UNC5D: variants seen among roughly 807,000 people sequenced by gnomAD.
UNC5D encodes the protein netrin receptor UNC5D.
In UNC5D, 39 loss-of-function variants were observed where a neutral mutation model predicts 105.4. The observed-to-expected ratio is 0.37, with a 90% CI of 0.29 to 0.48. The LOEUF is 0.48. Ranked by LOEUF, UNC5D falls within the 20% of genes least tolerant of loss-of-function variation. The pLI is 0.98. For missense variants in UNC5D, 991 were observed against 1,202.4 expected (o/e 0.82, Z 2.60); for synonymous variants, 452 against 450.4 (o/e 1.00, Z -0.04).
chr8:35,757,166 A>G (rs933577519), intron 13 of UNC5D, among the ~76,000 whole-genome samples: 1 of 152,192 alleles, frequency 6.6e-6, no homozygotes, highest in African/African-American at 2.4e-5. Context: ...TTATGCTGCT[A>G]TCTTCAATTT....
intron 1 of UNC5D, among the ~76,000 whole-genome samples, chr8:35,344,215 T>C (rs1265690652): frequency 6.6e-6 from 1 of 152,082 alleles, no homozygotes; most frequent in Non-Finnish European, 1.5e-5. Context: ...CACCTGCTCA[T>C]CTGAAATTGA....
intron 1 of UNC5D, among the ~76,000 whole-genome samples, chr8:35,522,975 C>G (rs1813592944): frequency 6.6e-6 from 1 of 151,996 alleles, no homozygotes; most frequent in African/African-American, 2.4e-5. Flanking sequence ...TCTTTGATAT[C>G]TAACAATATA....
chr8:35,591,637 A>G lies in UNC5D; in HGVS notation c.467-3917A>G, dbSNP rs536898221. Among the ~76,000 whole-genome samples the G allele has an allele frequency of 1.2e-4, 19 of 152,100 alleles. 1 individual carries two copies. The highest frequency in any genetic ancestry group is 6.8e-3 in the Middle Eastern group (2 of 294). ...CTTTCTCCACTTTGTCATTCATTTCATCCTCCCTCTGACAATCTCATTGTC... is the reference window on the plus strand; with the variant it reads ...CTTTCTCCACTTTGTCATTCATTTCGTCCTCCCTCTGACAATCTCATTGTC... On this transcript the variant is annotated intron_variant, in intron 3 of 16. Coordinates refer to ENST00000404895, the MANE Select transcript of UNC5D (RefSeq NM_080872.4).
intron 1 of UNC5D, among the ~76,000 whole-genome samples, chr8:35,332,455 G>C (rs187315259): frequency 1.4e-4 from 21 of 152,282 alleles, no homozygotes; most frequent in African/African-American, 4.3e-4. Context: ...GTAATGTCTT[G>C]TGAATATTGT....
rs1189222506 is a variant in UNC5D, at chr8:35,500,771, G to C, written c.104-48521G>C. On this transcript the variant is annotated intron_variant, in intron 1 of 16. Transcript: ENST00000404895. ...ATAAATGATTGGTGATTGATTGAAT[G>C]CATGTGTATGAACGGATGACTTAAA... Among the ~76,000 whole-genome samples the C allele has an allele frequency of 1.3e-5, 2 of 152,194 alleles. 1 individual carries two copies. The highest frequency in any genetic ancestry group is 1.3e-4 in the Admixed American group (2 of 15,284).
At chr8:35,569,929 C>A (rs1053307855) in intron 3 of UNC5D, among the ~76,000 whole-genome samples, 1 of 102,976 alleles carries the variant, frequency 9.7e-6, no homozygotes, top group African/African-American at 3.1e-5. Context: ...CCCACATGAC[C>A]TATACTCTGA....
intron 3 of UNC5D, among the ~76,000 whole-genome samples, chr8:35,572,291 A>AAC (rs1817787544): frequency 6.6e-6 from 1 of 150,618 alleles, no homozygotes. Context: ...AAAAAAAAAA[A>AAC]AAAAAAAAAC....
chr8:35,616,839 A>T (rs1224873452), intron 4 of UNC5D, among the ~76,000 whole-genome samples: 1 of 152,246 alleles, frequency 6.6e-6, no homozygotes, highest in Non-Finnish European at 1.5e-5. Flanking sequence ...GTCAGTTGGT[A>T]GTAAGCATTT....
chr8:35,601,899 GT>G (rs1819909663), intron 4 of UNC5D, among the ~76,000 whole-genome samples: 1 of 152,170 alleles, frequency 6.6e-6, no homozygotes, highest in African/African-American at 2.4e-5. Flanking sequence ...AATGCTTCCA[GT>G]TTTTGTCCAT....
intron 13 of UNC5D, 36 bp downstream of exon 13, chr8:35,750,845 A>G (rs534366970): frequency 6.2e-7 from 1 of 1,609,568 alleles, no homozygotes; most frequent in African/African-American, 1.3e-5. Context: ...TTTTGGTGTC[A>G]TGAAAGTGTG....
intron 1 of UNC5D, among the ~76,000 whole-genome samples, chr8:35,435,840 G>C (rs1425365839): frequency 6.6e-6 from 1 of 152,080 alleles, no homozygotes; most frequent in East Asian, 1.9e-4. Context: ...CAACCTCTTT[G>C]AATTCTGGTC....
rs185453750 is a variant in UNC5D, at chr8:35,654,623, G to T, written c.571-28924G>T. The stretch of plus-strand genomic sequence containing the variant: ...CTGGCGATGCTTTTCAAAGTTGTTG[G>T]TTTTTTTTTCTTTTTTTCATGACAT... On this transcript the variant is annotated intron_variant, in intron 4 of 16. Coordinates refer to ENST00000404895, the MANE Select transcript of UNC5D (RefSeq NM_080872.4). 7.3e-3 allele frequency among the ~76,000 whole-genome samples: 1,096 copies of T among 150,642 alleles called. 24 individuals carry two copies. Among genetic ancestry groups the T allele is most frequent in the African/African-American group, 0.025 (1,006 of 41,024 alleles).
chr8:35,557,329 C>T (rs112466331), intron 2 of UNC5D, among the ~76,000 whole-genome samples: 117 of 152,190 alleles, frequency 7.7e-4, no homozygotes, highest in African/African-American at 2.7e-3. Context: ...CTGAGGAATA[C>T]GTGGAGTGCT....
intron 8 of UNC5D, among the ~76,000 whole-genome samples, chr8:35,711,722 A>ACCAC (rs1586504219): frequency 6.6e-6 from 1 of 152,168 alleles, no homozygotes; most frequent in Admixed American, 6.5e-5. Context: ...CCTTCAACCT[A>ACCAC]CCACCCTAAG....
At chr8:35,617,401 G>A (rs1025331094) in intron 4 of UNC5D, among the ~76,000 whole-genome samples, 3 of 152,150 alleles carry the variant, frequency 2.0e-5, no homozygotes, top group African/African-American at 4.8e-5. Context: ...ACCTGCCTAC[G>A]TGTACTTTTG....
intron 1 of UNC5D, among the ~76,000 whole-genome samples, chr8:35,263,822 G>A (rs977322576): frequency 2.0e-5 from 3 of 152,188 alleles, no homozygotes; most frequent in Non-Finnish European, 2.9e-5. Flanking sequence ...CTTGCCTTGT[G>A]GCAATAAAGC....
intron 15 of UNC5D, among the ~76,000 whole-genome samples, chr8:35,768,477 CAAG>C (rs1236191658): frequency 1.3e-5 from 2 of 151,962 alleles, no homozygotes; most frequent in African/African-American, 2.4e-5. Flanking sequence ...ACAAAAAATC[CAAG>C]AAGAGCTGGT....
intron 11 of UNC5D, among the ~76,000 whole-genome samples, chr8:35,732,845 C>T (rs1405773125): frequency 6.6e-6 from 1 of 152,122 alleles, no homozygotes; most frequent in Non-Finnish European, 1.5e-5. Context: ...CAAGGCACCT[C>T]ATTTACAACT....
At chr8:35,658,852 T>G (rs1278355420) in intron 4 of UNC5D, among the ~76,000 whole-genome samples, 1 of 152,142 alleles carries the variant, frequency 6.6e-6, no homozygotes, top group African/African-American at 2.4e-5. Context: ...AGACGGGGTT[T>G]CACCGTGTTA....
Sources: gnomAD v4.1 joint callset for allele counts (sites outside exome capture counted in the v4.1 genomes callset) on GRCh38, gnomAD v4.1.1 for gene constraint, MANE v1.5 for transcripts, NCBI Gene and HGNC (gene_info 2026-07-23, HGNC 2026-07-21) for gene names.